The following DNAH8 variants were observed in gnomAD, a reference collection of about 807,000 sequenced individuals.
DNAH8 encodes the protein axonemal beta dynein heavy chain 8.
Under a neutral mutation model 562.1 loss-of-function variants are expected in DNAH8, and 382 were observed. The observed-to-expected ratio is 0.68, with a 90% CI of 0.63 to 0.74. The LOEUF (loss-of-function observed/expected upper bound fraction) is 0.74. DNAH8 is among the 30% of genes least tolerant of loss of function. The probability of loss-of-function intolerance (pLI) is 0.00; values close to 1 mark genes in which losing one functional copy is unlikely to be tolerated. For missense variants in DNAH8, 5,203 were observed against 5,620.4 expected (o/e 0.93, Z 2.37); for synonymous variants, 1,881 against 1,919.4 (o/e 0.98, Z 0.52).
At chr6:39,003,909 A>C (rs1302838491) in intron 88 of DNAH8, among the ~76,000 whole-genome samples, 1 of 151,720 alleles carries the variant, frequency 6.6e-6, no homozygotes, top group Admixed American at 6.6e-5. Flanking sequence ...TTTTTACGCC[A>C]CTCTTTCTAT....
chr6:38,880,084 A>C (rs2150457829), intron 53 of DNAH8, among the ~76,000 whole-genome samples: 1 of 152,210 alleles, frequency 6.6e-6, no homozygotes, highest in South Asian at 2.1e-4. Context: ...ATCTACTAAA[A>C]AAAAACAAAA....
chr6:38,746,376 A>C (rs1347227045), intron 8 of DNAH8, among the ~76,000 whole-genome samples: 1 of 152,086 alleles, frequency 6.6e-6, no homozygotes, highest in Non-Finnish European at 1.5e-5. Context: ...CACTAGATAA[A>C]TGCTTAAGGC....
In DNAH8 at chr6:38,723,102, C is replaced by CG; in HGVS notation, c.295dup (p.Glu99GlyfsTer36). 1 of 1,612,892 alleles carries CG rather than the reference C, an allele frequency of 6.2e-7. No homozygotes were observed. Among genetic ancestry groups the CG allele is most frequent in the Non-Finnish European group, 8.5e-7 (1 of 1,179,892 alleles). On this transcript the variant is annotated frameshift_variant, in exon 2 of 93. Transcript: ENST00000327475. LOFTEE classifies it high-confidence loss of function. ...CCGCGACCGGTTCAGTCAGTGATTT[C>CG]GGAAGTGCTGTCCTTGCCGTCTTCC...
chr6:38,913,052 C>T (rs1002927119), intron 66 of DNAH8, among the ~76,000 whole-genome samples: 6 of 152,202 alleles, frequency 3.9e-5, no homozygotes, highest in Non-Finnish European at 7.3e-5. Flanking sequence ...GTGATCCACC[C>T]GCCTTGGCCT....
intron 74 of DNAH8, among the ~76,000 whole-genome samples, chr6:38,927,162 TGTG>T: frequency 6.6e-6 from 1 of 152,332 alleles, no homozygotes; most frequent in East Asian, 1.9e-4. Flanking sequence ...AGGAAAATAA[TGTG>T]GTCATCTTGA....
At chr6:38,753,605 A>AT (rs1765658724) in intron 9 of DNAH8, among the ~76,000 whole-genome samples, 3 of 152,228 alleles carry the variant, frequency 2.0e-5, no homozygotes, top group Admixed American at 2.0e-4. Context: ...GCTTTTTATT[A>AT]TAAAAAGTAA....
intron 12 of DNAH8, among the ~76,000 whole-genome samples, chr6:38,772,176 C>T (rs183417008): frequency 1.5e-3 from 229 of 151,856 alleles, no homozygotes; most frequent in African/African-American, 5.2e-3. Flanking sequence ...CTACAGGTGC[C>T]CGCCACTACG....
chr6:38,734,154 G>A (rs953462020), intron 4 of DNAH8, among the ~76,000 whole-genome samples: 2 of 151,780 alleles, frequency 1.3e-5, no homozygotes, highest in African/African-American at 4.8e-5. Context: ...GGATGTGGTG[G>A]CACACGCATG....
Position 38,802,918 on chromosome 6 carries a change from A to G in DNAH8, c.2902-261A>G, listed in dbSNP as rs56315820. Among the ~76,000 whole-genome samples, 21,448 of 152,252 alleles carry G rather than the reference A, an allele frequency of 0.14. 1,705 individuals carry two copies. The highest frequency in any genetic ancestry group is 0.23 in the Admixed American group (3,518 of 15,290). On this transcript the variant is annotated intron_variant, in intron 21 of 92. Coordinates refer to ENST00000327475, the MANE Select transcript of DNAH8 (RefSeq NM_001206927.2). ...TTTCTTTTCACCTATGTGAATATCAAGGTAGATTTCTATGTGTGATTGAGT... is the reference window on the plus strand; with the variant it reads ...TTTCTTTTCACCTATGTGAATATCAGGGTAGATTTCTATGTGTGATTGAGT...
rs1261256394 is a variant in DNAH8, at chr6:38,775,857, G to T, written c.1868G>T (p.Gly623Val). 6.2e-7 allele frequency: 1 copy of T among 1,610,232 alleles called. No individual in the cohort carries two copies. Among genetic ancestry groups the T allele is most frequent in the Admixed American group, 1.7e-5 (1 of 59,994 alleles). The change falls in exon 13 of 93, where the codon GGG (glycine) becomes GTG (valine). Residue 623 changes from glycine (G) to valine (V), a missense_variant. Coordinates refer to ENST00000327475, the MANE Select transcript of DNAH8 (RefSeq NM_001206927.2). ...ATAAAATTCAGAAATATATACCAAG[G>T]GGTTAAGAAAAAGCAATATGACATT... is the stretch of plus-strand genomic sequence containing the variant. Reference protein sequence around the residue: ...MAIKFRNIYQGVKKKQYDILD... With the variant: ...MAIKFRNIYQVVKKKQYDILD...
At position 38,805,645 on chromosome 6, in the gene DNAH8, A is replaced by G. The variant is rs781044160; in HGVS notation, c.3150+49A>G. The G allele has an allele frequency of 9.4e-6, 10 of 1,064,722 alleles. No homozygotes were observed. In the Admixed American group the frequency reaches 1.7e-4, roughly 18 times the overall value. The allele number at this position is 1,064,722 out of a possible 1,614,324, so 66.0% of individuals were successfully genotyped here. On this transcript the variant is annotated intron_variant, in intron 23 of 92. Coordinates refer to ENST00000327475, the MANE Select transcript of DNAH8 (RefSeq NM_001206927.2). ...TGCAATTCACAGAATTATGGTTTAT[A>G]GGATTATAGATAACCCCATATGGTG... is the stretch of plus-strand genomic sequence containing the variant.
chr6:38,919,865 T>TA (rs1781572686), intron 70 of DNAH8, among the ~76,000 whole-genome samples: 1 of 152,106 alleles, frequency 6.6e-6, no homozygotes, highest in Non-Finnish European at 1.5e-5. Context: ...ACTGAAGAGT[T>TA]AAAGTATATA....
rs368266427 is a variant in DNAH8 at position 38,868,236 on chromosome 6, A to G, written c.6828+40A>G. The G allele has an allele frequency of 1.6e-5, 25 of 1,572,980 alleles. No individual in the cohort carries two copies. The African/African-American group carries it at 2.9e-4, about 18-fold the overall frequency. ...TTCTCTTCTTTTCCACAATTTTAAT[A>G]TTGTTTCTTTCTATTTGGTGGACAA... On this transcript the variant is annotated intron_variant, in intron 48 of 92. Coordinates refer to ENST00000327475, the MANE Select transcript of DNAH8 (RefSeq NM_001206927.2).
chr6:38,822,828 CT>C lies in DNAH8; in HGVS notation c.3524-9del. The C allele has an allele frequency of 6.5e-7, 1 of 1,547,014 alleles. No individual in the cohort carries two copies. Among genetic ancestry groups the C allele is most frequent in the Non-Finnish European group, 8.7e-7 (1 of 1,152,394 alleles). Reference sequence around the variant, plus strand: ...GAAGTTATTTATAGTGTAAAAACATCTGTTTTCAGGATCTTTTGAAGAAGCT... The same window carrying C: ...GAAGTTATTTATAGTGTAAAAACATCGTTTTCAGGATCTTTTGAAGAAGCT... On this transcript the variant is annotated splice_polypyrimidine_tract_variant and intron_variant, in intron 26 of 92. Coordinates refer to ENST00000327475, the MANE Select transcript of DNAH8 (RefSeq NM_001206927.2).
At chr6:38,857,418 T>A in intron 41 of DNAH8, 100 bp from the exon 42 acceptor site, 1 of 718,636 alleles carries the variant, frequency 1.4e-6, no homozygotes, top group Non-Finnish European at 2.4e-6. Flanking sequence ...CAAGTCAATC[T>A]CATTTTTAGT....
chr6:38,816,786 C>T lies in DNAH8; in HGVS notation c.3523+1129C>T, dbSNP rs777708376. ...TTTTAATAATTGCCATTCTGTCTGGCATGAGATGGTATCTCACTGTGGTTT... is the reference window on the plus strand; with the variant it reads ...TTTTAATAATTGCCATTCTGTCTGGTATGAGATGGTATCTCACTGTGGTTT... On this transcript the variant is annotated intron_variant, in intron 26 of 92. Coordinates refer to ENST00000327475, the MANE Select transcript of DNAH8 (RefSeq NM_001206927.2). Among the ~76,000 whole-genome samples, 17 of 152,142 alleles carry T rather than the reference C, an allele frequency of 1.1e-4. 1 individual carries two copies. The highest frequency in any genetic ancestry group is 2.1e-4 in the Non-Finnish European group (14 of 68,008).
chr6:38,726,732 A>G (rs956177185), intron 3 of DNAH8, among the ~76,000 whole-genome samples: 1 of 152,080 alleles, frequency 6.6e-6, no homozygotes, highest in South Asian at 2.1e-4. Flanking sequence ...AGGATATATG[A>G]TAGGTTGGAT....
At chr6:38,975,300 C>T (rs1005005688) in intron 85 of DNAH8, among the ~76,000 whole-genome samples, 4 of 152,200 alleles carry the variant, frequency 2.6e-5, no homozygotes, top group African/African-American at 9.7e-5. Context: ...TTTCAATGCA[C>T]TGGATCCATT....
chr6:38,742,155 G>A (rs528405023), intron 8 of DNAH8, among the ~76,000 whole-genome samples: 15 of 152,210 alleles, frequency 9.9e-5, no homozygotes, highest in African/African-American at 3.6e-4. Flanking sequence ...TTTTGAAATT[G>A]TAAATCAATG....
Sources: gnomAD v4.1 joint callset for allele counts (sites outside exome capture counted in the v4.1 genomes callset) on GRCh38, gnomAD v4.1.1 for gene constraint, MANE v1.5 for transcripts, NCBI Gene and HGNC (gene_info 2026-07-23, HGNC 2026-07-21) for gene names.